The following MYCBPAP variants were observed in gnomAD, a reference collection of about 807,000 sequenced individuals.
MYCBPAP encodes the protein MYCBP-associated protein.
A neutral mutation model predicts 106.1 loss-of-function variants in MYCBPAP; 60 were observed. The observed-to-expected ratio is 0.57, with a 90% CI of 0.46 to 0.70. The LOEUF (loss-of-function observed/expected upper bound fraction) is 0.70. Ranked by LOEUF, MYCBPAP falls within the 30% of genes least tolerant of loss-of-function variation. The pLI is 0.00. For synonymous variants in MYCBPAP, 407 were observed against 440.6 expected (o/e 0.92, Z 0.95); for missense variants, 1,064 against 1,169.3 (o/e 0.91, Z 1.31).
At position 50,508,568 on chromosome 17, in the gene MYCBPAP, C is replaced by G; in HGVS notation, c.-107C>G. The stretch of plus-strand genomic sequence containing the variant: ...TGGATGCGCGCCCCCGCGCGGGGCA[C>G]CGGTTGCTGTGGACGCAGTGGCGGC... On this transcript the variant is annotated 5_prime_UTR_variant, in exon 1 of 19. Transcript: ENST00000323776. 2 of 1,548,352 alleles carry G rather than the reference C, an allele frequency of 1.3e-6. No homozygotes were observed. Among genetic ancestry groups the G allele is most frequent in the Non-Finnish European group, 1.7e-6 (2 of 1,146,294 alleles).
rs181207808 is a variant in MYCBPAP at position 50,523,695 on chromosome 17, A to C, written c.1546A>C (p.Thr516Pro). Reference protein sequence around the residue: ...REFWEFRTHPTLLGGAILQVN... With the variant: ...REFWEFRTHPPLLGGAILQVN... Reference sequence around the variant, plus strand: ...ATTTTGGGAGTTTCGAACCCATCCTACTCTATTAGGAGGTGCTATACTGCA... The same window carrying C: ...ATTTTGGGAGTTTCGAACCCATCCTCCTCTATTAGGAGGTGCTATACTGCA... The change falls in exon 12 of 19, where the codon ACT becomes CCT. Residue 516 changes from threonine (T) to proline (P), a missense_variant. By Grantham distance (38) the Thr-to-Pro change is conservative (BLOSUM62 -1). Transcript: ENST00000323776. 6.2e-6 allele frequency: 10 copies of C among 1,613,892 alleles called. No individual in the cohort carries two copies. In the East Asian group the frequency reaches 1.8e-4, roughly 29 times the overall value.
Position 50,508,614 on chromosome 17 carries a change from G to A in MYCBPAP, c.-61G>A. The A allele has an allele frequency of 6.4e-7, 1 of 1,557,352 alleles. No individual in the cohort carries two copies. Among genetic ancestry groups the A allele is most frequent in the Non-Finnish European group, 8.7e-7 (1 of 1,150,170 alleles). On this transcript the variant is annotated 5_prime_UTR_variant, in exon 1 of 19. Coordinates refer to ENST00000323776, the MANE Select transcript of MYCBPAP (RefSeq NM_032133.6). ...GCGGCCGTTGGCTGGCGGGTGCGGC[G>A]CAGCCTCGGTGTCTCTGGGCCGGCG...
chr17:50,518,566 C>A lies in MYCBPAP; in HGVS notation c.494C>A (p.Pro165His), dbSNP rs770876122. The A allele has an allele frequency of 4.4e-6, 7 of 1,591,914 alleles. No individual in the cohort carries two copies. In the South Asian group the frequency reaches 8.0e-5, roughly 18 times the overall value. The stretch of plus-strand genomic sequence containing the variant: ...CTGGCTGAGCGGATACCTACCTCAC[C>A]CTGTCTGATGACCCTCATCTCTGCT... ...TQLAERIPTS[P>H]CLMTLISAEG... The change falls in exon 5 of 19, where the codon CCC (proline) becomes CAC (histidine). Residue 165 changes from proline to histidine, a missense_variant. Pro to His is a moderately conservative substitution (Grantham distance 77). Transcript: ENST00000323776.
intron 7 of MYCBPAP, chr17:50,520,857 G>T: frequency 2.2e-6 from 1 of 452,548 alleles, no homozygotes; most frequent in Non-Finnish European, 4.1e-6. Context: ...CTCAATAAAA[G>T]GTAGCTGCTG....
chr17:50,509,946 A>G (rs11869714), intron 1 of MYCBPAP: 41,764 of 152,102 alleles, frequency 0.27, 6,317 homozygotes, highest in African/African-American at 0.39. Flanking sequence ...TCTATGGCAG[A>G]CAAGAAAAAA....
chr17:50,527,145 C>G (rs2143992079), intron 14 of MYCBPAP, 142 bp from the exon 15 acceptor site: 1 of 1,202,320 alleles, frequency 8.3e-7, no homozygotes. Flanking sequence ...TGGCTCCCAC[C>G]AAAGGCACCC....
intron 1 of MYCBPAP, among the ~76,000 whole-genome samples, chr17:50,511,778 C>T (rs1191713064): frequency 6.6e-6 from 1 of 152,192 alleles, no homozygotes; most frequent in African/African-American, 2.4e-5. Flanking sequence ...CCTGTATAGG[C>T]TCAGTAGTCA....
At chr17:50,522,709 A>AAAAAAAAATATATATATATATATAT in intron 10 of MYCBPAP, 8 of 50,028 alleles carry the variant, frequency 1.6e-4, no homozygotes, top group African/African-American at 8.4e-4. Context: ...AAAAAAAAAA[A>AAAAAAAAATATATATATATATATAT]ATATATATAT....
intron 1 of MYCBPAP, 98 bp from the exon 2 acceptor site, chr17:50,516,472 G>A (rs531927249): frequency 4.4e-6 from 6 of 1,373,374 alleles, no homozygotes; most frequent in South Asian, 1.5e-5. Flanking sequence ...CCCCACCATG[G>A]AGTCTAGTAT....
intron 1 of MYCBPAP, chr17:50,514,912 A>G (rs1233949179): frequency 2.2e-6 from 1 of 453,546 alleles, no homozygotes; most frequent in Non-Finnish European, 4.4e-6. Context: ...AGATCTTGCA[A>G]CTCTTAATCC....
chr17:50,515,591 G>A (rs955085511), intron 1 of MYCBPAP, among the ~76,000 whole-genome samples: 1 of 152,104 alleles, frequency 6.6e-6, no homozygotes, highest in African/African-American at 2.4e-5. Flanking sequence ...ATCACCTAGG[G>A]AGTTGAAAAA....
At chr17:50,514,878 C>T (rs776420568) in intron 1 of MYCBPAP, 10 of 451,502 alleles carry the variant, frequency 2.2e-5, no homozygotes, top group Middle Eastern at 3.2e-4. Context: ...TGGGCTCAAG[C>T]GATCTGCCTG....
chr17:50,508,353 C>T (rs1597811312), upstream of MYCBPAP: 6 of 502,162 alleles, frequency 1.2e-5, no homozygotes, highest in East Asian at 2.2e-4. Context: ...CGGGGGTCCT[C>T]GCCCGGGTCC....
rs747489354 is a variant in MYCBPAP at position 50,523,131 on chromosome 17, A to G, written c.1447+3A>G. 1 of 1,612,324 alleles carries G rather than the reference A, an allele frequency of 6.2e-7. No homozygotes were observed. The highest frequency in any genetic ancestry group is 1.7e-5 in the Admixed American group (1 of 59,980). ...ATTTTACTTTGACAACCGGGAAGGT[A>G]CTCGGGAGAAGCCACCCTATGTGCT... is the stretch of plus-strand genomic sequence containing the variant. On this transcript the variant is annotated splice_donor_region_variant and intron_variant, in intron 11 of 18. Transcript: ENST00000323776.
chr17:50,510,692 ATT>A (rs56894700), intron 1 of MYCBPAP, among the ~76,000 whole-genome samples: 5 of 111,144 alleles, frequency 4.5e-5, no homozygotes, highest in Admixed American at 1.0e-4. Flanking sequence ...TGCCTGGCAA[ATT>A]TTTTTTTTTT....
chr17:50,521,236 C>A lies in MYCBPAP; in HGVS notation c.1032+11C>A. 6.2e-7 allele frequency: 1 copy of A among 1,605,586 alleles called. No individual in the cohort carries two copies. Among genetic ancestry groups the A allele is most frequent in the Non-Finnish European group, 8.5e-7 (1 of 1,175,256 alleles). On this transcript the variant is annotated intron_variant, in intron 8 of 18. Transcript: ENST00000323776. Reference sequence around the variant, plus strand: ...GATTTCAGCCAGCAGGTTGGTATGGCCTCCATGCCCCAGTCAGAAGCCCCT... The same window carrying A: ...GATTTCAGCCAGCAGGTTGGTATGGACTCCATGCCCCAGTCAGAAGCCCCT...
At position 50,518,160 on chromosome 17, in the gene MYCBPAP, C is replaced by T. The variant is rs144387351; in HGVS notation, c.469-381C>T. Among the ~76,000 whole-genome samples, 134 of 152,368 alleles carry T rather than the reference C, an allele frequency of 8.8e-4. 3 individuals are homozygous for T. The highest frequency in any genetic ancestry group is 4.2e-3 in the East Asian group (22 of 5,182). On this transcript the variant is annotated intron_variant, in intron 4 of 18. Coordinates refer to ENST00000323776, the MANE Select transcript of MYCBPAP (RefSeq NM_032133.6). ...GCCTTCCCATCATGCAGTGCTTCACCTGTCTCTTCCCCTTGCTTCCCTGGT... is the reference window on the plus strand; with the variant it reads ...GCCTTCCCATCATGCAGTGCTTCACTTGTCTCTTCCCCTTGCTTCCCTGGT...
upstream of MYCBPAP, among the ~76,000 whole-genome samples, chr17:50,508,035 C>T (rs1012158417): frequency 6.6e-6 from 1 of 152,296 alleles, no homozygotes; most frequent in Admixed American, 6.5e-5. Context: ...CGAGCGTGGA[C>T]CCGGGAGGTC....
At position 50,522,918 on chromosome 17, in the gene MYCBPAP, T is replaced by G. The variant is rs370680720; in HGVS notation, c.1258-21T>G. ...GGCCAGGGTTTGCAGCAAAGACATT[T>G]CTTGTCCCTCCTCCTTCCAGAGGCA... is the stretch of plus-strand genomic sequence containing the variant. On this transcript the variant is annotated intron_variant, in intron 10 of 18. Coordinates refer to ENST00000323776, the MANE Select transcript of MYCBPAP (RefSeq NM_032133.6). 1.6e-5 allele frequency: 25 copies of G among 1,601,290 alleles called. No individual in the cohort carries two copies. In the African/African-American group the frequency reaches 3.2e-4, roughly 21 times the overall value.
Sources: gnomAD v4.1 joint callset for allele counts (sites outside exome capture counted in the v4.1 genomes callset) on GRCh38, gnomAD v4.1.1 for gene constraint, MANE v1.5 for transcripts, NCBI Gene and HGNC (gene_info 2026-07-23, HGNC 2026-07-21) for gene names.